The following DLG2 variants were observed in gnomAD, a reference collection of about 807,000 sequenced individuals.
DLG2 encodes disks large homolog 2.
In DLG2, 45 loss-of-function variants were observed where a neutral mutation model predicts 132.5. The observed-to-expected ratio is 0.34, with a 90% CI of 0.27 to 0.44. DLG2 has a LOEUF of 0.44. Ranked by LOEUF, DLG2 falls within the 20% of genes least tolerant of loss-of-function variation. The pLI is 1.00. For synonymous variants in DLG2, 424 were observed against 419.6 expected, an observed-to-expected ratio of 1.01 and a Z score of -0.13; for missense variants, 1,045 against 1,196.9, an observed-to-expected ratio of 0.87 and a Z score of 1.87.
intron 3 of DLG2, among the ~76,000 whole-genome samples, chr11:85,501,273 A>G (rs1337619673): frequency 1.3e-5 from 2 of 152,212 alleles, no homozygotes; most frequent in South Asian, 2.1e-4. Context: ...TCAACTCAAC[A>G]TGGACCAAAG....
intron 7 of DLG2, among the ~76,000 whole-genome samples, chr11:84,444,059 C>T (rs2099025519): frequency 6.7e-6 from 1 of 149,484 alleles, no homozygotes; most frequent in African/African-American, 2.5e-5. Context: ...TTGTCCTTTT[C>T]AGGGACATGA....
chr11:84,168,826 T>TACACACACAC (rs145846743), intron 8 of DLG2, among the ~76,000 whole-genome samples: 427 of 148,094 alleles, frequency 2.9e-3, no homozygotes, highest in Non-Finnish European at 4.7e-3. Flanking sequence ...CACACACACA[T>TACACACACAC]ACACACACAC....
chr11:83,781,766 T>C (rs987917371), intron 18 of DLG2, among the ~76,000 whole-genome samples: 2 of 152,198 alleles, frequency 1.3e-5, no homozygotes, highest in Non-Finnish European at 2.9e-5. Context: ...AGCTACTGCC[T>C]ACCTAGTTCT....
At chr11:84,380,126 C>A (rs1348862504) in intron 7 of DLG2, among the ~76,000 whole-genome samples, 2 of 151,898 alleles carry the variant, frequency 1.3e-5, no homozygotes, top group Non-Finnish European at 2.9e-5. Flanking sequence ...CATTTTTGGA[C>A]AAACAATGCA....
intron 3 of DLG2, among the ~76,000 whole-genome samples, chr11:85,409,367 G>A (rs1345153436): frequency 6.6e-6 from 1 of 151,826 alleles, no homozygotes; most frequent in East Asian, 1.9e-4. Context: ...AGCCACTTTG[G>A]CAAGGTGACC....
intron 15 of DLG2, among the ~76,000 whole-genome samples, chr11:83,898,422 G>A (rs571982048): frequency 4.1e-4 from 62 of 151,984 alleles, no homozygotes; most frequent in African/African-American, 1.3e-3. Context: ...ATTTGTTTTT[G>A]TATAGACTCA....
At position 84,102,085 on chromosome 11, in the gene DLG2, T is replaced by C. The variant is rs193301680; in HGVS notation, c.625-3038A>G. Reference sequence around the variant, plus strand: ...CACATCGCCTTCTTGACTATTTCAATTCTTCGCATTTTTGAAGATGTGGCT... The same window carrying C: ...CACATCGCCTTCTTGACTATTTCAACTCTTCGCATTTTTGAAGATGTGGCT... On this transcript the variant is annotated intron_variant, in intron 9 of 27. Transcript: ENST00000376104. Among the ~76,000 whole-genome samples the C allele has an allele frequency of 2.2e-3, 332 of 152,288 alleles. 2 individuals are homozygous for C. Among genetic ancestry groups the C allele is most frequent in the Middle Eastern group, 6.8e-3 (2 of 294 alleles).
At chr11:83,692,795 AC>A in intron 18 of DLG2, 1 of 152,316 alleles carries the variant, frequency 6.6e-6, no homozygotes, top group East Asian at 1.9e-4. Flanking sequence ...ACTAGACTCT[AC>A]CCTAAAAATT....
intron 6 of DLG2, among the ~76,000 whole-genome samples, chr11:84,944,268 T>C (rs2374579): frequency 0.41 from 62,667 of 151,960 alleles, 13,535 homozygotes; most frequent in East Asian, 0.66. Flanking sequence ...TATTGATATC[T>C]TTCTCTACAT....
At chr11:85,243,430 T>C (rs953326932) in intron 4 of DLG2, among the ~76,000 whole-genome samples, 2 of 152,048 alleles carry the variant, frequency 1.3e-5, no homozygotes, top group Non-Finnish European at 2.9e-5. Flanking sequence ...CTAAGTTGAA[T>C]GAATAAATTC....
chr11:83,796,316 AC>A (rs112905909), intron 17 of DLG2, among the ~76,000 whole-genome samples: 1 of 152,200 alleles, frequency 6.6e-6, no homozygotes, highest in Admixed American at 6.5e-5. Context: ...AATGAAAAAA[AC>A]CAAAACAGTT....
At chr11:85,375,884 TC>T (rs1343324229) in intron 3 of DLG2, among the ~76,000 whole-genome samples, 2 of 152,132 alleles carry the variant, frequency 1.3e-5, no homozygotes, top group Non-Finnish European at 2.9e-5. Context: ...TGGTTGACTC[TC>T]CCCAAGATAA....
intron 4 of DLG2, among the ~76,000 whole-genome samples, chr11:85,233,261 A>G (rs2075397005): frequency 2.0e-5 from 3 of 151,830 alleles, no homozygotes; most frequent in Non-Finnish European, 2.9e-5. Flanking sequence ...AAAGGGCAGG[A>G]GGAAAACTAA....
intron 18 of DLG2, among the ~76,000 whole-genome samples, chr11:83,692,359 C>A (rs569690602): frequency 6.6e-6 from 1 of 152,218 alleles, no homozygotes; most frequent in South Asian, 2.1e-4. Flanking sequence ...TAATAACATG[C>A]CTAACTTTTA....
chr11:83,678,623 T>A (rs2078185171), intron 18 of DLG2, among the ~76,000 whole-genome samples: 1 of 152,092 alleles, frequency 6.6e-6, no homozygotes. Context: ...GAAAGTGAGC[T>A]TAGGAATGTT....
In DLG2 at chr11:84,501,103, A is replaced by G. The variant is rs561510632; in HGVS notation, c.519+33467T>C. Among the ~76,000 whole-genome samples, 3 of 152,340 alleles carry G rather than the reference A, an allele frequency of 2.0e-5. No individual in the cohort carries two copies. In the South Asian group the frequency reaches 6.2e-4, roughly 32 times the overall value. On this transcript the variant is annotated intron_variant, in intron 7 of 27. Coordinates refer to ENST00000376104, the MANE Select transcript of DLG2 (RefSeq NM_001142699.3). ...AGGTTGTCAAACAGAAGGTAGTAAT[A>G]GAAGGATGTGGATTTTTCTACTCTT...
In DLG2 at chr11:84,492,141, T is replaced by C. The variant is rs1197565969; in HGVS notation, c.519+42429A>G. On this transcript the variant is annotated intron_variant, in intron 7 of 27. Coordinates refer to ENST00000376104, the MANE Select transcript of DLG2 (RefSeq NM_001142699.3). Reference sequence around the variant, plus strand: ...ATTTAAGACTTTTCAGGCTGAAATATGTTACACTTAAGAAGAGAGGCACCA... The same window carrying C: ...ATTTAAGACTTTTCAGGCTGAAATACGTTACACTTAAGAAGAGAGGCACCA... 2.6e-5 allele frequency among the ~76,000 whole-genome samples: 4 copies of C among 152,280 alleles called. No homozygotes were observed. In the East Asian group the frequency reaches 5.8e-4, roughly 22 times the overall value.
intron 6 of DLG2, chr11:85,021,175 C>G: frequency 1.0e-6 from 1 of 956,050 alleles, no homozygotes; most frequent in Non-Finnish European, 1.7e-6. Context: ...AGAATTGAAG[C>G]CAGCTTTTTC....
intron 6 of DLG2, among the ~76,000 whole-genome samples, chr11:84,802,099 A>T (rs2075457535): frequency 7.0e-6 from 1 of 142,842 alleles, no homozygotes; most frequent in South Asian, 2.2e-4. Context: ...ACTTTTAGTT[A>T]AAAAAAAAAA....
Sources: allele counts gnomAD v4.1 joint callset (sites outside exome capture counted in the v4.1 genomes callset), GRCh38; gene constraint gnomAD v4.1.1; transcripts MANE v1.5; gene names NCBI Gene and HGNC (gene_info 2026-07-23, HGNC 2026-07-21).